The following PCDHGA3 variants were observed in gnomAD, a reference collection of about 807,000 sequenced individuals.
PCDHGA3 encodes protocadherin gamma-A3.
Under a neutral mutation model 58.5 loss-of-function variants are expected in PCDHGA3, and 40 were observed. That is an observed-to-expected ratio of 0.68 (90% confidence interval 0.53 to 0.89). The LOEUF is 0.89. Among genes scored for constraint, PCDHGA3 ranks in the 40% least tolerant of loss-of-function variants. The pLI, the probability that PCDHGA3 is intolerant of heterozygous loss-of-function variation, is 0.00. For missense variants in PCDHGA3, 1,223 were observed against 1,195.9 expected, an observed-to-expected ratio of 1.02 and a Z score of -0.33; for synonymous variants, 530 against 525.7, an observed-to-expected ratio of 1.01 and a Z score of -0.11.
chr5:141,361,472 A>G (rs1480148367), intron 1 of PCDHGA3: 2 of 1,613,906 alleles, frequency 1.2e-6, no homozygotes, highest in Admixed American at 1.7e-5. Context: ...TCCGACGTCA[A>G]CGATAATGCC....
At chr5:141,423,577 G>T (rs1348410879) in intron 1 of PCDHGA3, 1 of 1,613,478 alleles carries the variant, frequency 6.2e-7, no homozygotes, top group Admixed American at 1.7e-5. Flanking sequence ...CATCAGCCAG[G>T]AGAGCTGTGA....
rs991408001 is a variant in PCDHGA3, at chr5:141,450,171, C to G, written c.2425-44636C>G. Among the ~76,000 whole-genome samples, 5 of 151,690 alleles carry G rather than the reference C, an allele frequency of 3.3e-5. No individual in the cohort carries two copies. In the East Asian group the frequency reaches 7.8e-4, roughly 24 times the overall value. ...ACAGGCATGTGCCACCACACTCCCACCACACCCAGCTAATTTTTGTATTTT... is the reference window on the plus strand; with the variant it reads ...ACAGGCATGTGCCACCACACTCCCAGCACACCCAGCTAATTTTTGTATTTT... On this transcript the variant is annotated intron_variant, in intron 1 of 3. Transcript: ENST00000253812.
Position 141,345,218 on chromosome 5 carries a change from A to T in PCDHGA3, c.1185A>T (p.Glu395Asp), listed in dbSNP as rs777830589. Residue 395 changes from glutamate (E) to aspartate (D), a missense_variant, in exon 1 of 4, where the codon GAA (glutamate) becomes GAT (aspartate). Glu to Asp is a conservative substitution (Grantham distance 45). Around this residue, in one of 3 missense-constraint regions of PCDHGA3, gnomAD observed 791 missense variants for 708.5 expected, o/e 1.12. Transcript: ENST00000253812. Reference protein sequence around the residue: ...FVLGNLPFKLEKSIDQYYRLV... With the variant: ...FVLGNLPFKLDKSIDQYYRLV... The stretch of plus-strand genomic sequence containing the variant: ...TGGGAAATCTGCCATTTAAGTTAGA[A>T]AAATCAATAGATCAATATTACCGCT... The T allele has an allele frequency of 2.5e-6, 4 of 1,613,882 alleles. No homozygotes were observed. Among genetic ancestry groups the T allele is most frequent in the Non-Finnish European group, 3.4e-6 (4 of 1,179,910 alleles).
In PCDHGA3 at chr5:141,380,718, C is replaced by T. The variant is rs1776684550; in HGVS notation, c.2424+34261C>T. Among the ~76,000 whole-genome samples the T allele has an allele frequency of 2.6e-5, 4 of 152,158 alleles. No homozygotes were observed. In the South Asian group the frequency reaches 8.3e-4, roughly 32 times the overall value. On this transcript the variant is annotated intron_variant, in intron 1 of 3. Transcript: ENST00000253812. ...GTAGTCTATAATTTAATTTAACTAG[C>T]TCTTATTTCCTTTTCTCCAAAGAAG...
intron 1 of PCDHGA3, among the ~76,000 whole-genome samples, chr5:141,401,573 G>A (rs372919699): frequency 4.6e-5 from 7 of 152,128 alleles, no homozygotes; most frequent in East Asian, 3.9e-4. Context: ...TCTCTTGCTC[G>A]GAATCCTGAC....
intron 1 of PCDHGA3, chr5:141,394,696 C>A: frequency 6.2e-7 from 1 of 1,613,046 alleles, no homozygotes; most frequent in Non-Finnish European, 8.5e-7. Flanking sequence ...GAGGTGCGCA[C>A]GGCGCGAGCC....
At chr5:141,500,840 C>G (rs1394248251) in intron 2 of PCDHGA3, among the ~76,000 whole-genome samples, 1 of 151,966 alleles carries the variant, frequency 6.6e-6, no homozygotes, top group Non-Finnish European at 1.5e-5. Context: ...TGCTAATGGG[C>G]TTTTGCTACA....
intron 1 of PCDHGA3, among the ~76,000 whole-genome samples, chr5:141,454,796 ATTTTTTTTTTTTT>A (rs61612330): frequency 7.8e-5 from 6 of 77,408 alleles, no homozygotes; most frequent in African/African-American, 1.2e-4. Flanking sequence ...CATGGTTCTA[ATTTTTTTTTTTTT>A]TTTTTTTTTT....
At position 141,369,163 on chromosome 5, in the gene PCDHGA3, A is replaced by G. The variant is rs184652156; in HGVS notation, c.2424+22706A>G. Reference sequence around the variant, plus strand: ...AATGGCATGTTATTGACCAGGGAAAAGTGTAAATAACAAAAAGTTAGGATT... The same window carrying G: ...AATGGCATGTTATTGACCAGGGAAAGGTGTAAATAACAAAAAGTTAGGATT... On this transcript the variant is annotated intron_variant, in intron 1 of 3. Transcript: ENST00000253812. Among the ~76,000 whole-genome samples, 9 of 152,372 alleles carry G rather than the reference A, an allele frequency of 5.9e-5. No homozygotes were observed. In the East Asian group the frequency reaches 1.7e-3, roughly 29 times the overall value.
intron 1 of PCDHGA3, chr5:141,393,958 T>C: frequency 6.2e-7 from 1 of 1,613,966 alleles, no homozygotes; most frequent in East Asian, 2.2e-5. Flanking sequence ...AATGGTCAAG[T>C]TGTCTGTTAC....
At chr5:141,478,165 C>T (rs780594020) in intron 1 of PCDHGA3, 18 of 1,613,920 alleles carry the variant, frequency 1.1e-5, no homozygotes, top group Non-Finnish European at 1.5e-5. Context: ...GCTCTGCCCC[C>T]CGGGAGCAGA....
At chr5:141,408,978 C>A (rs1444971938) in intron 1 of PCDHGA3, 1 of 1,613,862 alleles carries the variant, frequency 6.2e-7, no homozygotes, top group African/African-American at 1.3e-5. Context: ...CCCCCTGGGT[C>A]CCCTGTGTTG....
chr5:141,418,996 TG>T (rs745777250), intron 1 of PCDHGA3: 13 of 1,613,756 alleles, frequency 8.1e-6, no homozygotes, highest in Non-Finnish European at 1.1e-5. Flanking sequence ...CAGGGGAAAA[TG>T]GGGAAGTCAG....
At position 141,350,430 on chromosome 5, in the gene PCDHGA3, G is replaced by A. The variant is rs769353290; in HGVS notation, c.2424+3973G>A. Reference sequence around the variant, plus strand: ...GCCAAGGATCTGGGGCTCAGTGTCCGGGAGTTGCCAACTCGAAAACTGCGG... The same window carrying A: ...GCCAAGGATCTGGGGCTCAGTGTCCAGGAGTTGCCAACTCGAAAACTGCGG... On this transcript the variant is annotated intron_variant, in intron 1 of 3. Coordinates refer to ENST00000253812, the MANE Select transcript of PCDHGA3 (RefSeq NM_018916.4). The A allele has an allele frequency of 2.2e-5, 35 of 1,610,006 alleles. No homozygotes were observed. Among genetic ancestry groups the A allele is most frequent in the Middle Eastern group, 1.6e-4 (1 of 6,072 alleles).
At position 141,345,290 on chromosome 5, in the gene PCDHGA3, C is replaced by T. The variant is rs1227914107; in HGVS notation, c.1257C>T (p.Asn419=). The part of the protein sequence containing the change: ...SLDREQISEY[N]ISLRASDGGS... ...ACCGCGAACAAATATCAGAATATAACATTAGTCTGAGAGCCTCAGATGGGG... is the reference window on the plus strand; with the variant it reads ...ACCGCGAACAAATATCAGAATATAATATTAGTCTGAGAGCCTCAGATGGGG... Residue 419 remains asparagine, a synonymous_variant, in exon 1 of 4, where the codon AAC becomes AAT. Transcript: ENST00000253812. 6.2e-7 allele frequency: 1 copy of T among 1,613,856 alleles called. No homozygotes were observed. Among genetic ancestry groups the T allele is most frequent in the African/African-American group, 1.3e-5 (1 of 74,896 alleles).
chr5:141,404,758 T>C, intron 1 of PCDHGA3: 1 of 1,613,742 alleles, frequency 6.2e-7, no homozygotes, highest in Non-Finnish European at 8.5e-7. Flanking sequence ...GCCAGAATGC[T>C]TGGCTCTCCT....
At chr5:141,376,522 G>T in intron 1 of PCDHGA3, 1 of 1,613,784 alleles carries the variant, frequency 6.2e-7, no homozygotes, top group Non-Finnish European at 8.5e-7. Context: ...GTTTCTTTCC[G>T]CCTAAGCGGG....
intron 1 of PCDHGA3, among the ~76,000 whole-genome samples, chr5:141,373,000 T>C (rs1310950733): frequency 6.6e-6 from 1 of 152,222 alleles, no homozygotes; most frequent in Non-Finnish European, 1.5e-5. Context: ...TGTTCTTTCA[T>C]AGAAAGCCTC....
At chr5:141,383,860 G>T (rs772168555) in intron 1 of PCDHGA3, 11 of 1,613,926 alleles carry the variant, frequency 6.8e-6, no homozygotes, top group Non-Finnish European at 9.3e-6. Flanking sequence ...GGAGGTTCAG[G>T]CTCAAGATGG....
Sources: gnomAD v4.1 joint callset for allele counts (sites outside exome capture counted in the v4.1 genomes callset) on GRCh38, gnomAD v4.1.1 for gene constraint, gnomAD v4.1.1 regional missense constraint, MANE v1.5 for transcripts, NCBI Gene and HGNC (gene_info 2026-07-23, HGNC 2026-07-21) for gene names.